TRABD2A: variants seen among roughly 807,000 people sequenced by gnomAD.
TRABD2A encodes the protein metalloprotease TIKI1.
In TRABD2A, 43 loss-of-function variants were observed where a neutral mutation model predicts 45.6. The ratio of observed to expected loss-of-function variants is 0.94; its 90% CI spans 0.74 to 1.22. The LOEUF (loss-of-function observed/expected upper bound fraction) is 1.22, where lower values mean the gene tolerates loss of function less well. Among genes scored for constraint, TRABD2A ranks in the 50% most tolerant of loss-of-function variants. The pLI, the probability that TRABD2A is intolerant of heterozygous loss-of-function variation, is 0.00. For missense variants in TRABD2A, 642 were observed against 652.4 expected (o/e 0.98, Z 0.17); for synonymous variants, 269 against 265.0 (o/e 1.02, Z -0.15).
At chr2:84,866,574 T>C (rs1348753934) in intron 2 of TRABD2A, among the ~76,000 whole-genome samples, 1 of 152,178 alleles carries the variant, frequency 6.6e-6, no homozygotes, top group East Asian at 1.9e-4. Context: ...TCTTGAGAAG[T>C]TTGAGAGTTA....
chr2:84,833,762 G>A (rs939786556), intron 4 of TRABD2A: 2 of 150,502 alleles, frequency 1.3e-5, no homozygotes. Context: ...CACAGCCCCT[G>A]GGCACTTCGG....
intron 1 of TRABD2A, chr2:84,875,155 G>A (rs1222407333): frequency 1.2e-5 from 2 of 163,914 alleles, no homozygotes; most frequent in African/African-American, 4.8e-5. Flanking sequence ...GAACATGTAA[G>A]CCAGAAAAGG....
At chr2:84,863,597 CTTTTT>C (rs55952015) in intron 2 of TRABD2A, among the ~76,000 whole-genome samples, 54 of 78,110 alleles carry the variant, frequency 6.9e-4, no homozygotes, top group African/African-American at 1.7e-3. Flanking sequence ...TTCAAATTTT[CTTTTT>C]TTTTTTTTTT....
intron 4 of TRABD2A, 71 bp from the exon 5 acceptor site, chr2:84,832,216 C>T: frequency 6.6e-7 from 1 of 1,511,750 alleles, no homozygotes; most frequent in Non-Finnish European, 9.2e-7. Flanking sequence ...AAACACACAC[C>T]CTAGAACCAA....
intron 2 of TRABD2A, among the ~76,000 whole-genome samples, chr2:84,864,272 C>T (rs561661983): frequency 6.6e-6 from 1 of 152,252 alleles, no homozygotes; most frequent in East Asian, 1.9e-4. Flanking sequence ...AGGCCCTTTG[C>T]TTTGAGTTAA....
At chr2:84,868,846 C>A (rs1022838555) in intron 2 of TRABD2A, among the ~76,000 whole-genome samples, 2 of 152,120 alleles carry the variant, frequency 1.3e-5, no homozygotes, top group African/African-American at 4.8e-5. Context: ...AATCAATAAG[C>A]CTTCAAATCA....
chr2:84,821,892 G>A lies in TRABD2A; in HGVS notation c.*25C>T, dbSNP rs374787167. The stretch of plus-strand genomic sequence containing the variant: ...CCATTCTTCAAGTCCGAGGGGTCAG[G>A]TTCTTAGCCTGGTGCTTCCAGTCGT... On this transcript the variant is annotated 3_prime_UTR_variant, in exon 7 of 7. Coordinates refer to ENST00000409520, the MANE Select transcript of TRABD2A (RefSeq NM_001277053.2). The A allele has an allele frequency of 2.7e-4, 419 of 1,549,950 alleles. No homozygotes were observed. Among genetic ancestry groups the A allele is most frequent in the Non-Finnish European group, 3.5e-4 (396 of 1,146,762 alleles).
At chr2:84,871,953 A>T (rs759566129) in intron 1 of TRABD2A, among the ~76,000 whole-genome samples, 11 of 152,174 alleles carry the variant, frequency 7.2e-5, no homozygotes, top group Non-Finnish European at 1.2e-4. Flanking sequence ...GATCTGGATG[A>T]TCTCTGCTGG....
chr2:84,872,207 T>C (rs1002556483), intron 1 of TRABD2A, among the ~76,000 whole-genome samples: 1 of 152,184 alleles, frequency 6.6e-6, no homozygotes, highest in African/African-American at 2.4e-5. Flanking sequence ...TCTAGGGTTA[T>C]AGAAAGACTA....
chr2:84,831,216 G>T (rs182062898), intron 5 of TRABD2A, among the ~76,000 whole-genome samples: 2 of 152,252 alleles, frequency 1.3e-5, no homozygotes, highest in African/African-American at 4.8e-5. Flanking sequence ...GCCATGTGCC[G>T]GCAGGAAGAG....
intron 4 of TRABD2A, chr2:84,834,385 G>A (rs1377919199): frequency 1.3e-5 from 2 of 152,202 alleles, no homozygotes; most frequent in African/African-American, 4.8e-5. Context: ...TGAGCATAAT[G>A]TGGGAGCCAA....
At chr2:84,831,984 C>A (rs1362488212) in intron 5 of TRABD2A, 71 bp downstream of exon 5, 1 of 1,524,788 alleles carries the variant, frequency 6.6e-7, no homozygotes, top group African/African-American at 1.4e-5. Flanking sequence ...AGATAGCAGC[C>A]CACCCTGGTG....
In TRABD2A at chr2:84,832,159, AAC is replaced by A; in HGVS notation, c.992-16_992-15del. On this transcript the variant is annotated splice_polypyrimidine_tract_variant and intron_variant, in intron 4 of 6. Transcript: ENST00000409520. ...CCATGAAATGACCTGCAGTGAGAAA[AAC>A]AACCTGAAATGCTGCAGCTCTCAGG... 1 of 1,613,758 alleles carries A rather than the reference AAC, an allele frequency of 6.2e-7. No homozygotes were observed. Among genetic ancestry groups the A allele is most frequent in the Non-Finnish European group, 8.5e-7 (1 of 1,179,716 alleles).
At chr2:84,827,480 T>TCCCCCTTTC (rs1681183849) in intron 5 of TRABD2A, among the ~76,000 whole-genome samples, 3 of 152,160 alleles carry the variant, frequency 2.0e-5, no homozygotes, top group Admixed American at 2.0e-4. Flanking sequence ...TTCAAGTGCA[T>TCCCCCTTTC]CCCCCTTTCT....
intron 2 of TRABD2A, among the ~76,000 whole-genome samples, chr2:84,858,250 C>T (rs931331032): frequency 2.0e-5 from 3 of 152,050 alleles, no homozygotes; most frequent in Non-Finnish European, 4.4e-5. Flanking sequence ...TTCCCAGCCC[C>T]ACACTCTAGC....
intron 2 of TRABD2A, among the ~76,000 whole-genome samples, chr2:84,853,459 G>A (rs980471598): frequency 6.6e-6 from 1 of 152,138 alleles, no homozygotes; most frequent in Non-Finnish European, 1.5e-5. Flanking sequence ...GATCTCATGA[G>A]AACTCACTAT....
chr2:84,864,436 C>A (rs1028836575), intron 2 of TRABD2A, among the ~76,000 whole-genome samples: 1 of 152,224 alleles, frequency 6.6e-6, no homozygotes, highest in Non-Finnish European at 1.5e-5. Flanking sequence ...CATTTGCTGG[C>A]TCTGGGTCTC....
intron 6 of TRABD2A, among the ~76,000 whole-genome samples, chr2:84,823,582 A>C (rs1357933340): frequency 6.6e-6 from 1 of 152,156 alleles, no homozygotes; most frequent in Non-Finnish European, 1.5e-5. Flanking sequence ...AAACATGCCC[A>C]TTCCTACCGA....
chr2:84,861,802 G>T (rs1335903960), intron 2 of TRABD2A, among the ~76,000 whole-genome samples: 2 of 152,192 alleles, frequency 1.3e-5, no homozygotes, highest in East Asian at 3.9e-4. Flanking sequence ...CAAAGCACCC[G>T]CAAGAGCAGA....
Sources: gnomAD v4.1 joint callset for allele counts (sites outside exome capture counted in the v4.1 genomes callset) on GRCh38, gnomAD v4.1.1 for gene constraint, MANE v1.5 for transcripts, NCBI Gene and HGNC (gene_info 2026-07-23, HGNC 2026-07-21) for gene names.